Variants in SNX30 observed in about 807,000 individuals in gnomAD.
The protein encoded by SNX30 is sorting nexin family member 30.
SNX30 carries 24 observed loss-of-function variants against 46.4 expected under a neutral mutation model. That is an observed-to-expected ratio of 0.52 (90% confidence interval 0.37 to 0.73). The LOEUF is 0.73. SNX30 is among the 30% of genes least tolerant of loss of function. The pLI, the probability that SNX30 is intolerant of heterozygous loss-of-function variation, is 0.00. For missense variants in SNX30, 533 were observed against 555.7 expected, an observed-to-expected ratio of 0.96 and a Z score of 0.41; for synonymous variants, 189 against 211.5, an observed-to-expected ratio of 0.89 and a Z score of 0.92.
intron 1 of SNX30, among the ~76,000 whole-genome samples, chr9:112,766,377 C>T (rs1467308561): frequency 4.0e-5 from 6 of 151,640 alleles, no homozygotes; most frequent in African/African-American, 1.5e-4. Flanking sequence ...AAAGAAAAGA[C>T]ATTAAATACA....
At chr9:112,805,589 C>T (rs1201535146) in intron 2 of SNX30, among the ~76,000 whole-genome samples, 1 of 152,174 alleles carries the variant, frequency 6.6e-6, no homozygotes, top group Non-Finnish European at 1.5e-5. Context: ...TTGCCTCAGC[C>T]TCCTGAGTAG....
intron 2 of SNX30, among the ~76,000 whole-genome samples, chr9:112,807,954 C>T (rs1422564119): frequency 6.6e-6 from 1 of 152,246 alleles, no homozygotes; most frequent in Non-Finnish European, 1.5e-5. Context: ...ATGCCAGCAC[C>T]TCAAGATAAT....
chr9:112,816,132 C>T (rs1840392791), intron 2 of SNX30, among the ~76,000 whole-genome samples: 2 of 152,180 alleles, frequency 1.3e-5, no homozygotes, highest in South Asian at 4.1e-4. Flanking sequence ...AGGCATGAGC[C>T]ACCACGCCCT....
intron 4 of SNX30, among the ~76,000 whole-genome samples, chr9:112,833,537 G>A: frequency 6.6e-6 from 1 of 152,150 alleles, no homozygotes; most frequent in Non-Finnish European, 1.5e-5. Context: ...AGTAATACTG[G>A]GAGAAATGGG....
intron 1 of SNX30, among the ~76,000 whole-genome samples, chr9:112,803,860 T>C (rs1384860239): frequency 1.2e-5 from 1 of 80,208 alleles, no homozygotes; most frequent in Non-Finnish European, 2.5e-5. Flanking sequence ...CTTAAGCCGG[T>C]CTGAAAAGCG....
intron 1 of SNX30, among the ~76,000 whole-genome samples, chr9:112,776,045 A>G (rs1588112235): frequency 6.6e-6 from 1 of 151,630 alleles, no homozygotes; most frequent in East Asian, 1.9e-4. Flanking sequence ...ATATCCTTAG[A>G]TTTTTCTTCT....
intron 8 of SNX30, among the ~76,000 whole-genome samples, chr9:112,867,292 CCCTCCTCAGAACTCCTCCCA>C (rs1841372787): frequency 6.7e-6 from 1 of 149,622 alleles, no homozygotes; most frequent in African/African-American, 2.5e-5. Flanking sequence ...GATTCCTCCT[CCCTCCTCAGAACTCCTCCCA>C]CCTCCTCAGA....
chr9:112,771,993 G>T (rs1839658395), intron 1 of SNX30, among the ~76,000 whole-genome samples: 2 of 152,282 alleles, frequency 1.3e-5, no homozygotes, highest in South Asian at 4.1e-4. Context: ...TGGAGCAGGG[G>T]CAAACCTTCG....
chr9:112,815,810 GGGGGAGAT>G (rs1369530039), intron 2 of SNX30, among the ~76,000 whole-genome samples: 1 of 152,140 alleles, frequency 6.6e-6, no homozygotes, highest in Admixed American at 6.5e-5. Flanking sequence ...GAGCCTATCG[GGGGGAGAT>G]GGGAGGTCTT....
intron 1 of SNX30, among the ~76,000 whole-genome samples, chr9:112,803,869 C>T (rs1163624532): frequency 2.3e-5 from 2 of 88,444 alleles, no homozygotes; most frequent in African/African-American, 4.4e-5. Context: ...GTCTGAAAAG[C>T]GCAATATTCG....
rs1287680190 is a variant in SNX30, at chr9:112,869,729, C to G, written c.*886C>G. The G allele has an allele frequency of 6.6e-6, 1 of 151,958 alleles. No homozygotes were observed. Among genetic ancestry groups the G allele is most frequent in the East Asian group, 1.9e-4 (1 of 5,190 alleles). 9.4% of individuals were successfully genotyped at this position (151,958 alleles called of 1,614,324 possible). A position where few individuals can be genotyped will look rare whatever the true frequency, so the allele number is the denominator to read the frequency against. On this transcript the variant is annotated 3_prime_UTR_variant, in exon 9 of 9. Coordinates refer to ENST00000374232, the MANE Select transcript of SNX30 (RefSeq NM_001012994.2). ...TTGTCTTGAAGTCAGAGTAGCTCCC[C>G]ATTGTTGAGATCAGTGGGCATATAC... is the stretch of plus-strand genomic sequence containing the variant.
chr9:112,877,726 A>G (rs1383533358), downstream of SNX30: 2 of 147,560 alleles, frequency 1.4e-5, no homozygotes, highest in Admixed American at 6.8e-5. Context: ...TTTTACTTTA[A>G]TTTTTTTTTT....
rs749756340 is a variant in SNX30 at position 112,836,363 on chromosome 9, G to A, written c.768G>A (p.Leu256=). The part of the protein sequence containing the change: ...GDYLDTFALK[L]GTIDRIAQRI... ...ACTTAGATACATTTGCACTCAAACT[G>A]GGAACCATTGATCGAATAGCCCAGC... Residue 256 remains leucine, a synonymous_variant, in exon 5 of 9, where the codon CTG becomes CTA. Coordinates refer to ENST00000374232, the MANE Select transcript of SNX30 (RefSeq NM_001012994.2). 2 of 1,607,802 alleles carry A rather than the reference G, an allele frequency of 1.2e-6. No homozygotes were observed. Among genetic ancestry groups the A allele is most frequent in the Non-Finnish European group, 1.7e-6 (2 of 1,174,600 alleles).
rs375900061 is a variant in SNX30, at chr9:112,864,251, C to T, written c.1106C>T (p.Pro369Leu). 3.7e-6 allele frequency: 6 copies of T among 1,613,744 alleles called. No individual in the cohort carries two copies. Among genetic ancestry groups the T allele is most frequent in the Admixed American group, 3.3e-5 (2 of 60,008 alleles). Residue 369 changes from proline (P) to leucine (L), a missense_variant, in exon 8 of 9, where the codon CCG becomes CTG. Pro to Leu is a moderately conservative substitution (Grantham distance 98). Coordinates refer to ENST00000374232, the MANE Select transcript of SNX30 (RefSeq NM_001012994.2). ...ATGTGTGCCTCCCTTTTCCAGGTAC[C>T]GGCGGACGTCGAGAAATGTCAGGAT... The part of the protein sequence containing the change: ...ALRKEDRPKV[P>L]ADVEKCQDRM...
chr9:112,849,672 A>G (rs1409364457), intron 6 of SNX30, among the ~76,000 whole-genome samples: 1 of 152,216 alleles, frequency 6.6e-6, no homozygotes, highest in Non-Finnish European at 1.5e-5. Flanking sequence ...CGGTATTGAC[A>G]CATTCCATTA....
intron 8 of SNX30, among the ~76,000 whole-genome samples, chr9:112,866,972 TCCTTCCTCA>T (rs1841361340): frequency 1.3e-4 from 2 of 15,288 alleles, no homozygotes; most frequent in Non-Finnish European, 1.4e-4. Flanking sequence ...GAACTCCTCC[TCCTTCCTCA>T]GAATTCCTTC....
intron 7 of SNX30, among the ~76,000 whole-genome samples, chr9:112,857,730 G>A (rs754936141): frequency 3.9e-5 from 6 of 152,196 alleles, no homozygotes; most frequent in South Asian, 4.1e-4. Flanking sequence ...CTGGAAATGC[G>A]TGGCACATGG....
chr9:112,838,112 G>A (rs764033612), intron 5 of SNX30, among the ~76,000 whole-genome samples: 6 of 151,338 alleles, frequency 4.0e-5, no homozygotes, highest in Non-Finnish European at 7.4e-5. Flanking sequence ...GGATGGTCTC[G>A]ATCTCCTGAC....
intron 1 of SNX30, among the ~76,000 whole-genome samples, chr9:112,789,104 A>G (rs1037440648): frequency 6.6e-6 from 1 of 152,160 alleles, no homozygotes; most frequent in Non-Finnish European, 1.5e-5. Context: ...CCCCGAGAAC[A>G]GGATTTTAGG....
Sources: allele counts gnomAD v4.1 joint callset (sites outside exome capture counted in the v4.1 genomes callset), GRCh38; gene constraint gnomAD v4.1.1; transcripts MANE v1.5; gene names NCBI Gene and HGNC (gene_info 2026-07-23, HGNC 2026-07-21).